SLIT1: variants seen among roughly 807,000 people sequenced by gnomAD.
SLIT1 encodes the protein slit guidance ligand 1.
A neutral mutation model predicts 186.1 loss-of-function variants in SLIT1; 66 were observed. The observed-to-expected ratio is 0.35, with a 90% CI of 0.29 to 0.44. The LOEUF is 0.44. Ranked by LOEUF, SLIT1 falls within the 20% of genes least tolerant of loss-of-function variation. The pLI is 1.00. For synonymous variants in SLIT1, 761 were observed against 833.8 expected (o/e 0.91, Z 1.50); for missense variants, 1,638 against 2,037.4 (o/e 0.80, Z 3.77).
chr10:97,151,480 G>A (rs567535854), intron 4 of SLIT1, among the ~76,000 whole-genome samples: 1 of 151,930 alleles, frequency 6.6e-6, no homozygotes, highest in East Asian at 1.9e-4. Flanking sequence ...GTCAGGAGTA[G>A]GGAGAGAGAT....
chr10:97,013,558 CA>C, intron 30 of SLIT1, among the ~76,000 whole-genome samples, 182 bp downstream of exon 30: 1 of 152,254 alleles, frequency 6.6e-6, no homozygotes, highest in East Asian at 1.9e-4. Flanking sequence ...TCTGTGGCCA[CA>C]AAGCTGTGCA....
At chr10:97,166,950 T>C (rs1850129251) in intron 1 of SLIT1, among the ~76,000 whole-genome samples, 1 of 152,196 alleles carries the variant, frequency 6.6e-6, no homozygotes, top group Non-Finnish European at 1.5e-5. Flanking sequence ...AGGCTTTTTC[T>C]ACCAGGTCAG....
intron 26 of SLIT1, among the ~76,000 whole-genome samples, chr10:97,020,446 A>G (rs1286376438): frequency 6.6e-6 from 1 of 152,252 alleles, no homozygotes; most frequent in Non-Finnish European, 1.5e-5. Context: ...CCCATTAAAT[A>G]AACACAGAGC....
chr10:97,119,913 G>GTATATATAGATA (rs1849543645), intron 4 of SLIT1, among the ~76,000 whole-genome samples: 1 of 56,510 alleles, frequency 1.8e-5, no homozygotes, highest in Non-Finnish European at 3.7e-5. Context: ...TTCCAAAGGG[G>GTATATATAGATA]TATATATATA....
chr10:97,119,057 C>T (rs1416793462), intron 4 of SLIT1, among the ~76,000 whole-genome samples: 3 of 152,242 alleles, frequency 2.0e-5, no homozygotes, highest in South Asian at 4.1e-4. Context: ...GCCATTCAGG[C>T]AGGCACTGCC....
rs775810384 is a variant in SLIT1 at position 97,056,433 on chromosome 10, G to A, written c.1189C>T (p.Arg397Trp). 2.0e-5 allele frequency: 32 copies of A among 1,614,010 alleles called. No homozygotes were observed. The highest frequency in any genetic ancestry group is 1.1e-4 in the African/African-American group (8 of 74,924). ...TGCAGGTCCTGGAAGGCATCGGGCC[G>A]GATGCAGTTGATCTTGTTGGCATTC... Reference protein sequence around the residue: ...LLNANKINCIRPDAFQDLQNL... With the variant: ...LLNANKINCIWPDAFQDLQNL... Residue 397 changes from arginine (R) to tryptophan (W), a missense_variant, in exon 13 of 37, where the codon CGG becomes TGG. Physicochemically the swap from Arg to Trp is moderately radical, Grantham distance 101. Around this residue, in one of 3 missense-constraint regions of SLIT1, gnomAD observed 1,245 missense variants for 1,535.3 expected, o/e 0.81. Transcript: ENST00000266058.
intron 23 of SLIT1, among the ~76,000 whole-genome samples, chr10:97,033,046 C>CT (rs1341607362): frequency 6.9e-5 from 10 of 145,212 alleles, no homozygotes; most frequent in African/African-American, 2.6e-4. Context: ...CTTTTTCTTT[C>CT]TTTCTTTTTT....
chr10:97,164,019 C>T (rs1850068290), intron 2 of SLIT1, among the ~76,000 whole-genome samples: 1 of 152,234 alleles, frequency 6.6e-6, no homozygotes, highest in Non-Finnish European at 1.5e-5. Flanking sequence ...CTGCCTGGCC[C>T]CATCTGCTGA....
In SLIT1 at chr10:97,121,845, A is replaced by G. The variant is rs796277648; in HGVS notation, c.413+35973T>C. The stretch of plus-strand genomic sequence containing the variant: ...ATGCCACATTCTTGACAGGATGGAC[A>G]CATATGGCTTAACGGCAAGAACAAA... On this transcript the variant is annotated intron_variant, in intron 4 of 36. Coordinates refer to ENST00000266058, the MANE Select transcript of SLIT1 (RefSeq NM_003061.3). Among the ~76,000 whole-genome samples, 8 of 152,344 alleles carry G rather than the reference A, an allele frequency of 5.3e-5. No individual in the cohort carries two copies. The South Asian group carries it at 1.2e-3, about 24-fold the overall frequency.
At chr10:97,026,435 G>A (rs1848545996) in intron 25 of SLIT1, among the ~76,000 whole-genome samples, 1 of 151,912 alleles carries the variant, frequency 6.6e-6, no homozygotes, top group African/African-American at 2.4e-5. Flanking sequence ...CTGCACTCCA[G>A]CCTGGGCGAT....
chr10:97,152,611 G>A (rs937877694), intron 4 of SLIT1, among the ~76,000 whole-genome samples: 1 of 152,182 alleles, frequency 6.6e-6, no homozygotes, highest in Non-Finnish European at 1.5e-5. Flanking sequence ...CTGCAACATC[G>A]TATCACAGGC....
intron 4 of SLIT1, among the ~76,000 whole-genome samples, chr10:97,151,488 G>A (rs960349254): frequency 6.6e-6 from 1 of 151,674 alleles, no homozygotes; most frequent in Non-Finnish European, 1.5e-5. Flanking sequence ...TAGGGAGAGA[G>A]ATGGGTGGGT....
intron 4 of SLIT1, among the ~76,000 whole-genome samples, chr10:97,126,681 C>T (rs765387755): frequency 1.3e-5 from 2 of 152,218 alleles, no homozygotes; most frequent in African/African-American, 2.4e-5. Flanking sequence ...CCCAACCTCA[C>T]TGATGCCTAG....
In SLIT1 at chr10:97,006,801, A is replaced by G. The variant is rs1198414532; in HGVS notation, c.3342-81T>C. 1 of 926,200 alleles carries G rather than the reference A, an allele frequency of 1.1e-6. No individual in the cohort carries two copies. Among genetic ancestry groups the G allele is most frequent in the East Asian group, 2.6e-5 (1 of 38,878 alleles). 57.4% of individuals were successfully genotyped at this position (926,200 alleles called of 1,614,324 possible). A position where few individuals can be genotyped will look rare whatever the true frequency, so the allele number is the denominator to read the frequency against. On this transcript the variant is annotated intron_variant, in intron 31 of 36. Coordinates refer to ENST00000266058, the MANE Select transcript of SLIT1 (RefSeq NM_003061.3). The surrounding 1 kb of genome is among the most constrained non-coding windows in gnomAD (Gnocchi z 4.0). ...CTCCCACAGCCCTGGAGAGAAATTCACTAAACATCTTGGGAAAATGGATTC... is the reference window on the plus strand; with the variant it reads ...CTCCCACAGCCCTGGAGAGAAATTCGCTAAACATCTTGGGAAAATGGATTC...
chr10:97,112,241 C>T (rs1849471789), intron 4 of SLIT1, among the ~76,000 whole-genome samples: 1 of 152,018 alleles, frequency 6.6e-6, no homozygotes, highest in African/African-American at 2.4e-5. Context: ...CTCCACCACT[C>T]CCTGACAGAG....
intron 4 of SLIT1, among the ~76,000 whole-genome samples, chr10:97,076,165 G>A (rs1849043598): frequency 6.6e-6 from 1 of 152,224 alleles, no homozygotes; most frequent in Non-Finnish European, 1.5e-5. Context: ...GGGCACGGGT[G>A]AGGAGCAGGT....
At chr10:97,026,347 C>T (rs193265365) in intron 25 of SLIT1, among the ~76,000 whole-genome samples, 119 of 152,072 alleles carry the variant, frequency 7.8e-4, no homozygotes, top group African/African-American at 2.8e-3. Context: ...GCCTATAATC[C>T]CAGCTACTCA....
At chr10:97,064,610 C>T (rs1242625257) in intron 6 of SLIT1, among the ~76,000 whole-genome samples, 195 bp downstream of exon 6, 1 of 152,136 alleles carries the variant, frequency 6.6e-6, no homozygotes, top group Non-Finnish European at 1.5e-5. Flanking sequence ...TCATCCTGAG[C>T]AGGTTATACT....
rs189946395 is a variant in SLIT1, at chr10:97,148,307, G to C, written c.413+9511C>G. On this transcript the variant is annotated intron_variant, in intron 4 of 36. Coordinates refer to ENST00000266058, the MANE Select transcript of SLIT1 (RefSeq NM_003061.3). ...TACTAAGCTTTTTTTTTTTTTTCCT[G>C]AGGCAGGGTCTCGCTCTGTCACCCA... Among the ~76,000 whole-genome samples the C allele has an allele frequency of 3.2e-3, 457 of 141,448 alleles. 3 individuals carry two copies. Among genetic ancestry groups the C allele is most frequent in the African/African-American group, 0.012 (439 of 37,894 alleles). 92.8% of individuals were successfully genotyped at this position (141,448 alleles called of 152,430 possible). A position where few individuals can be genotyped will look rare whatever the true frequency, so the allele number is the denominator to read the frequency against.
Sources: allele counts gnomAD v4.1 joint callset (sites outside exome capture counted in the v4.1 genomes callset), GRCh38; gene constraint gnomAD v4.1.1; regional missense constraint gnomAD v4.1.1; non-coding constraint Gnocchi (gnomAD v3.1); transcripts MANE v1.5; gene names NCBI Gene and HGNC (gene_info 2026-07-23, HGNC 2026-07-21).